Variants in ZCCHC17 observed in about 807,000 individuals in gnomAD.
ZCCHC17 encodes the protein zinc finger CCHC domain-containing protein 17.
Under a neutral mutation model 30.6 loss-of-function variants are expected in ZCCHC17, and 18 were observed. The ratio of observed to expected loss-of-function variants is 0.59; its 90% CI spans 0.41 to 0.87. The LOEUF (loss-of-function observed/expected upper bound fraction) is 0.87. ZCCHC17 is among the 40% of genes least tolerant of loss of function. ZCCHC17 has a pLI of 0.00. For synonymous variants in ZCCHC17, 88 were observed against 92.4 expected (o/e 0.95, Z 0.27); for missense variants, 263 against 284.2 (o/e 0.93, Z 0.54).
chr1:31,321,424 A>G (rs1171661202), intron 3 of ZCCHC17, among the ~76,000 whole-genome samples: 1 of 152,188 alleles, frequency 6.6e-6, no homozygotes, highest in African/African-American at 2.4e-5. Context: ...TCCTTGGTAA[A>G]TTACCCAGTC....
chr1:31,321,097 C>A (rs1291508526), intron 3 of ZCCHC17, among the ~76,000 whole-genome samples: 1 of 152,058 alleles, frequency 6.6e-6, no homozygotes. Context: ...CTATTCAAAT[C>A]TGATATATTT....
intron 3 of ZCCHC17, among the ~76,000 whole-genome samples, chr1:31,335,091 C>G (rs948671668): frequency 3.9e-5 from 6 of 152,082 alleles, no homozygotes; most frequent in African/African-American, 1.4e-4. Flanking sequence ...TGTTTCTGCC[C>G]CTTGTCTCTT....
intron 3 of ZCCHC17, 81 bp downstream of exon 3, chr1:31,319,247 C>T: frequency 8.5e-7 from 1 of 1,179,902 alleles, no homozygotes. Flanking sequence ...ATAGGCTGTA[C>T]ATTTTTCAGA....
intron 7 of ZCCHC17, among the ~76,000 whole-genome samples, chr1:31,363,115 A>G (rs957867569): frequency 6.6e-6 from 1 of 152,052 alleles, no homozygotes; most frequent in African/African-American, 2.4e-5. Context: ...CTTTTACTTA[A>G]CATGTTTTAG....
intron 7 of ZCCHC17, among the ~76,000 whole-genome samples, chr1:31,362,836 A>C (rs1267080458): frequency 1.3e-5 from 2 of 152,228 alleles, no homozygotes; most frequent in Admixed American, 1.3e-4. Flanking sequence ...AAAAAATGAA[A>C]GTAATAAGAT....
Position 31,364,327 on chromosome 1 carries a change from C to T in ZCCHC17, c.*134C>T. 2.8e-6 allele frequency: 4 copies of T among 1,412,690 alleles called. No individual in the cohort carries two copies. In the South Asian group the frequency reaches 6.7e-5, roughly 24 times the overall value. 87.5% of individuals were successfully genotyped at this position (1,412,690 alleles called of 1,614,324 possible). On this transcript the variant is annotated 3_prime_UTR_variant, in exon 8 of 8. Transcript: ENST00000344147. ...TTCGCTCCCATGGGAGATGGCTTCCCCTCATGCAACAGGCAGGTTTGGGAG... is the reference window on the plus strand; with the variant it reads ...TTCGCTCCCATGGGAGATGGCTTCCTCTCATGCAACAGGCAGGTTTGGGAG...
At chr1:31,352,147 G>A (rs1639490459) in intron 7 of ZCCHC17, among the ~76,000 whole-genome samples, 1 of 152,112 alleles carries the variant, frequency 6.6e-6, no homozygotes, top group African/African-American at 2.4e-5. Flanking sequence ...CAGCCTTTTT[G>A]TATAGTGTTT....
intron 5 of ZCCHC17, among the ~76,000 whole-genome samples, chr1:31,340,243 C>T (rs941535197): frequency 6.6e-6 from 1 of 151,362 alleles, no homozygotes; most frequent in Non-Finnish European, 1.5e-5. Flanking sequence ...CCACCATGCC[C>T]AGGCTTCTTT....
chr1:31,327,478 G>A (rs1404064410), intron 3 of ZCCHC17, among the ~76,000 whole-genome samples: 1 of 152,218 alleles, frequency 6.6e-6, no homozygotes, highest in Non-Finnish European at 1.5e-5. Context: ...GGTCAACTGA[G>A]GTTTGAAAAT....
At chr1:31,340,371 G>A (rs1218177713) in intron 5 of ZCCHC17, among the ~76,000 whole-genome samples, 3 of 147,410 alleles carry the variant, frequency 2.0e-5, no homozygotes, top group Non-Finnish European at 4.5e-5. Flanking sequence ...AGGCCGGAGT[G>A]CAATGGCACA....
chr1:31,303,069 G>C (rs1646357561), intron 1 of ZCCHC17, among the ~76,000 whole-genome samples: 1 of 151,856 alleles, frequency 6.6e-6, no homozygotes, highest in Admixed American at 6.6e-5. Flanking sequence ...CTTGAGCCAG[G>C]AGTTCAAGAC....
At chr1:31,334,263 A>G (rs1037888133) in intron 3 of ZCCHC17, among the ~76,000 whole-genome samples, 4 of 148,036 alleles carry the variant, frequency 2.7e-5, no homozygotes, top group Non-Finnish European at 5.9e-5. Flanking sequence ...CAGAAAGGGC[A>G]GGTATTTTGA....
At chr1:31,352,528 G>T (rs1639504611) in intron 7 of ZCCHC17, among the ~76,000 whole-genome samples, 5 of 152,090 alleles carry the variant, frequency 3.3e-5, no homozygotes, top group Admixed American at 6.6e-5. Flanking sequence ...CTGTTGCCCG[G>T]GCTGGAGTGC....
Position 31,364,124 on chromosome 1 carries a change from A to G in ZCCHC17, c.657A>G (p.Thr219=). Residue 219 remains threonine, a synonymous_variant, in exon 8 of 8, where the codon ACA becomes ACG. Transcript: ENST00000344147. ...ESDTGKRARH[T]SKDSKAAKKK... ...ATACAGGCAAGAGGGCAAGGCACAC[A>G]TCAAAAGACAGCAAGGCAGCAAAGA... 3 of 1,613,986 alleles carry G rather than the reference A, an allele frequency of 1.9e-6. No homozygotes were observed. The highest frequency in any genetic ancestry group is 2.5e-6 in the Non-Finnish European group (3 of 1,179,912).
chr1:31,354,686 C>T (rs909627563), intron 7 of ZCCHC17, among the ~76,000 whole-genome samples: 1 of 152,064 alleles, frequency 6.6e-6, no homozygotes, highest in Admixed American at 6.6e-5. Context: ...ATTTGTTATT[C>T]CTTTGTTTCT....
intron 7 of ZCCHC17, among the ~76,000 whole-genome samples, chr1:31,352,312 A>G (rs920566405): frequency 1.3e-5 from 2 of 151,942 alleles, no homozygotes; most frequent in Non-Finnish European, 2.9e-5. Context: ...AACGCCCCCC[A>G]TTCACCCTTC....
At chr1:31,326,877 G>C (rs1638372230) in intron 3 of ZCCHC17, among the ~76,000 whole-genome samples, 1 of 152,170 alleles carries the variant, frequency 6.6e-6, no homozygotes, top group African/African-American at 2.4e-5. Context: ...CCCATAAAGA[G>C]GGAAGATTAT....
chr1:31,298,005 C>T (rs1003316595), intron 1 of ZCCHC17, among the ~76,000 whole-genome samples: 2 of 152,216 alleles, frequency 1.3e-5, no homozygotes, highest in Admixed American at 6.5e-5. Context: ...ACCACTGAGC[C>T]GTCTTCCCCC....
intron 7 of ZCCHC17, among the ~76,000 whole-genome samples, chr1:31,360,044 A>G (rs1376532198): frequency 6.6e-6 from 1 of 151,380 alleles, no homozygotes; most frequent in Non-Finnish European, 1.5e-5. Flanking sequence ...GCAATGGCAC[A>G]ATCTTGGCTG....
Sources: allele counts gnomAD v4.1 joint callset (sites outside exome capture counted in the v4.1 genomes callset), GRCh38; gene constraint gnomAD v4.1.1; transcripts MANE v1.5; gene names NCBI Gene and HGNC (gene_info 2026-07-23, HGNC 2026-07-21).